TEX11: variants seen among roughly 807,000 people sequenced by gnomAD.
The protein encoded by TEX11 is testis-expressed protein 11.
TEX11 carries 7 observed loss-of-function variants against 84.4 expected under a neutral mutation model. The observed-to-expected ratio is 0.08, with a 90% CI of 0.05 to 0.16. The LOEUF is 0.16. TEX11 is among the 10% of genes least tolerant of loss of function. TEX11 has a pLI of 1.00. For synonymous variants in TEX11, 264 were observed against 222.8 expected (o/e 1.18, Z -1.64); for missense variants, 551 against 660.5 (o/e 0.83, Z 1.82).
In TEX11 at chrX:70,840,387, T is replaced by A. The variant is rs895245939; in HGVS notation, c.526-6794A>T. Among the ~76,000 whole-genome samples, 4 of 111,353 alleles carry A rather than the reference T, an allele frequency of 3.6e-5. No individual in the cohort carries two copies. The Admixed American group carries it at 3.8e-4, about 11-fold the overall frequency. ...TCATATCCAGCCAAACTAACCTTCA[T>A]AAGTGAAGGAGAAATAAAATACTTT... On this transcript the variant is annotated intron_variant, in intron 7 of 29. Coordinates refer to ENST00000374333, the MANE Select transcript of TEX11 (RefSeq NM_031276.3).
At chrX:70,776,199 T>C (rs369218721) in intron 9 of TEX11, among the ~76,000 whole-genome samples, 83 of 111,109 alleles carry the variant, frequency 7.5e-4, no homozygotes, top group African/African-American at 2.6e-3. Context: ...AGAAAAAATA[T>C]GTAATCAACC....
chrX:70,625,023 A>G, intron 18 of TEX11, 99 bp from the exon 19 acceptor site: 1 of 585,461 alleles, frequency 1.7e-6, no homozygotes. Context: ...AAATATCTAA[A>G]CATGTTCATT....
At position 70,591,753 on chromosome X, in the gene TEX11, G is replaced by A; in HGVS notation, c.2138C>T (p.Thr713Ile). 3.3e-6 allele frequency: 4 copies of A among 1,201,574 alleles called. No homozygotes were observed. The highest frequency in any genetic ancestry group is 4.5e-6 in the Non-Finnish European group (4 of 887,017). ...CNDIHNFLKQTGTFSNDSCEK... is the reference protein window; with the variant it reads ...CNDIHNFLKQIGTFSNDSCEK... Reference sequence around the variant, plus strand: ...CAAACTTCCAGTTCCTACTGTACCTGTTTGTTTCAGGAAATTATGGATGTC... The same window carrying A: ...CAAACTTCCAGTTCCTACTGTACCTATTTGTTTCAGGAAATTATGGATGTC... Residue 713 changes from threonine to isoleucine, a missense_variant and splice_region_variant, in exon 25 of 30, where the codon ACA becomes ATA. Transcript: ENST00000374333.
intron 13 of TEX11, among the ~76,000 whole-genome samples, chrX:70,717,762 A>G (rs5936963): frequency 0.53 from 58,665 of 110,549 alleles, 12,657 homozygotes; most frequent in Middle Eastern, 0.73. Flanking sequence ...AACTTCCTAC[A>G]CTGTCTACAG....
rs2091449583 is a variant in TEX11 at position 70,842,150 on chromosome X, A to T, written c.526-8557T>A. 3.6e-5 allele frequency among the ~76,000 whole-genome samples: 4 copies of T among 111,271 alleles called. No homozygotes were observed. In the South Asian group the frequency reaches 1.5e-3, roughly 42 times the overall value. ...ATTTTATGAGGCCAGCATCATCCTG[A>T]TACCAAAGCCTGGCAGAGACACAAC... On this transcript the variant is annotated intron_variant, in intron 7 of 29. Transcript: ENST00000374333.
intron 25 of TEX11, among the ~76,000 whole-genome samples, chrX:70,580,110 C>T (rs2088750530): frequency 8.9e-6 from 1 of 112,387 alleles, no homozygotes; most frequent in South Asian, 3.7e-4. Context: ...CACAATGGAG[C>T]ACTATTCAGC....
At chrX:70,823,525 A>G (rs1384813587) in intron 8 of TEX11, among the ~76,000 whole-genome samples, 1 of 111,666 alleles carries the variant, frequency 9.0e-6, no homozygotes, top group African/African-American at 3.3e-5. Flanking sequence ...CACCTTAAAT[A>G]CATAATAATT....
intron 20 of TEX11, among the ~76,000 whole-genome samples, chrX:70,617,445 A>G (rs2089332373): frequency 9.3e-6 from 1 of 106,979 alleles, no homozygotes; most frequent in Non-Finnish European, 1.9e-5. Flanking sequence ...ATATATACAC[A>G]TATACAATAC....
At chrX:70,570,961 T>C (rs1172517134) in intron 25 of TEX11, among the ~76,000 whole-genome samples, 1 of 112,091 alleles carries the variant, frequency 8.9e-6, no homozygotes, top group Admixed American at 9.5e-5. Flanking sequence ...CTTTTAGCAA[T>C]TGTATTAATC....
intron 11 of TEX11, among the ~76,000 whole-genome samples, chrX:70,735,639 G>A (rs2090689984): frequency 8.9e-6 from 1 of 112,102 alleles, no homozygotes; most frequent in Non-Finnish European, 1.9e-5. Flanking sequence ...TGTTAAGATA[G>A]CAATAATTCC....
At chrX:70,742,057 T>C (rs2090737029) in intron 10 of TEX11, among the ~76,000 whole-genome samples, 1 of 111,562 alleles carries the variant, frequency 9.0e-6, no homozygotes, top group Non-Finnish European at 1.9e-5. Flanking sequence ...AGTAAACACA[T>C]GTATGTTAAC....
At chrX:70,834,493 C>G (rs1413200692) in intron 7 of TEX11, among the ~76,000 whole-genome samples, 1 of 111,399 alleles carries the variant, frequency 9.0e-6, no homozygotes, top group East Asian at 2.8e-4. Flanking sequence ...CAGTGGCTCA[C>G]GCCTATAATC....
chrX:70,539,832 C>A (rs1295860397), intron 28 of TEX11, among the ~76,000 whole-genome samples: 1 of 111,509 alleles, frequency 9.0e-6, no homozygotes, highest in Admixed American at 9.6e-5. Context: ...TTTCTTTTTG[C>A]TTCATATACC....
chrX:70,755,338 T>TGG (rs1181840582), intron 9 of TEX11, among the ~76,000 whole-genome samples: 2 of 112,218 alleles, frequency 1.8e-5, no homozygotes, highest in Admixed American at 1.9e-4. Flanking sequence ...TCTGGAGCTG[T>TGG]GCAGAAATTC....
chrX:70,593,494 A>G (rs1228386120), intron 24 of TEX11, among the ~76,000 whole-genome samples: 1 of 112,206 alleles, frequency 8.9e-6, no homozygotes, highest in Admixed American at 9.5e-5. Flanking sequence ...AAGAGACAGG[A>G]AAGTGTGACT....
At chrX:70,540,455 C>A (rs1342874354) in intron 28 of TEX11, among the ~76,000 whole-genome samples, 1 of 111,336 alleles carries the variant, frequency 9.0e-6, no homozygotes, top group Non-Finnish European at 1.9e-5. Context: ...TGGTGACTAC[C>A]ACTTTACTTT....
intron 9 of TEX11, among the ~76,000 whole-genome samples, chrX:70,747,031 G>T (rs2090772555): frequency 8.9e-6 from 1 of 112,165 alleles, no homozygotes; most frequent in African/African-American, 3.2e-5. Context: ...GGTAAGCTAA[G>T]ATCCAGGGAA....
intron 25 of TEX11, among the ~76,000 whole-genome samples, chrX:70,567,607 T>C (rs1284798050): frequency 1.8e-5 from 2 of 111,637 alleles, no homozygotes; most frequent in Non-Finnish European, 3.8e-5. Flanking sequence ...ATGTTGTGTC[T>C]TTGTTCTCGT....
chrX:70,750,711 A>T (rs1235079726), intron 9 of TEX11, among the ~76,000 whole-genome samples: 1 of 98,594 alleles, frequency 1.0e-5, no homozygotes, highest in Non-Finnish European at 2.0e-5. Context: ...CATAGGTGGG[A>T]ATTGAACAAT....
Sources: gnomAD v4.1 joint callset for allele counts (sites outside exome capture counted in the v4.1 genomes callset) on GRCh38, gnomAD v4.1.1 for gene constraint, MANE v1.5 for transcripts, NCBI Gene and HGNC (gene_info 2026-07-23, HGNC 2026-07-21) for gene names.